The following BAIAP2L1 variants were observed in gnomAD, a reference collection of about 807,000 sequenced individuals.
The protein encoded by BAIAP2L1 is BAR/IMD domain containing adaptor protein 2 like 1.
In BAIAP2L1, 35 loss-of-function variants were observed where a neutral mutation model predicts 66.3. The ratio of observed to expected loss-of-function variants is 0.53; its 90% CI spans 0.40 to 0.70. The LOEUF is 0.70. Ranked by LOEUF, BAIAP2L1 falls within the 30% of genes least tolerant of loss-of-function variation. The probability of loss-of-function intolerance (pLI) is 0.00; values close to 1 mark genes in which losing one functional copy is unlikely to be tolerated. For missense variants in BAIAP2L1, 622 were observed against 656.9 expected (o/e 0.95, Z 0.58); for synonymous variants, 269 against 248.7 (o/e 1.08, Z -0.77).
intron 2 of BAIAP2L1, among the ~76,000 whole-genome samples, chr7:98,357,779 C>A (rs548784793): frequency 6.6e-6 from 1 of 152,208 alleles, no homozygotes; most frequent in Admixed American, 6.5e-5. Context: ...GAGACACAGT[C>A]CGTAATGTCA....
chr7:98,370,209 T>C (rs766707358), intron 1 of BAIAP2L1, among the ~76,000 whole-genome samples: 1 of 151,800 alleles, frequency 6.6e-6, no homozygotes, highest in Non-Finnish European at 1.5e-5. Context: ...ACCCCATCTC[T>C]ACTAAAAACA....
chr7:98,308,997 A>T (rs1800772382), intron 9 of BAIAP2L1: 1 of 150,852 alleles, frequency 6.6e-6, no homozygotes, highest in Non-Finnish European at 1.5e-5. Context: ...TTTCCATTCA[A>T]ATTTTCCCAG....
chr7:98,315,032 T>C (rs904912808), intron 7 of BAIAP2L1, among the ~76,000 whole-genome samples: 1 of 152,218 alleles, frequency 6.6e-6, no homozygotes, highest in Admixed American at 6.5e-5. Flanking sequence ...CCAAACACAG[T>C]TTCTCTGGAA....
chr7:98,353,961 CAATAAAATAA>C (rs72080714), intron 3 of BAIAP2L1, among the ~76,000 whole-genome samples: 51,510 of 138,958 alleles, frequency 0.37, 9,652 homozygotes, highest in South Asian at 0.5. Flanking sequence ...GACTCTGTCT[CAATAAAATAA>C]AATAAAATAA....
In BAIAP2L1 at chr7:98,318,401, G is replaced by A. The variant is rs994911470; in HGVS notation, c.349-1045C>T. 6.6e-5 allele frequency among the ~76,000 whole-genome samples: 10 copies of A among 151,946 alleles called. 1 individual carries two copies. Among genetic ancestry groups the A allele is most frequent in the Admixed American group, 3.3e-4 (5 of 15,258 alleles). On this transcript the variant is annotated intron_variant, in intron 5 of 13. Transcript: ENST00000005260. ...CCTCCCGGGTTCAAGTGATTCTTGT[G>A]CCTCAGCCTCTCCAGTAGCTGGGAT...
intron 3 of BAIAP2L1, among the ~76,000 whole-genome samples, chr7:98,345,903 A>T (rs1481306260): frequency 1.3e-5 from 2 of 151,716 alleles, no homozygotes; most frequent in African/African-American, 2.4e-5. Context: ...AATCATTTAT[A>T]GGATGGCTAT....
At chr7:98,364,790 A>C (rs1802352773) in intron 1 of BAIAP2L1, among the ~76,000 whole-genome samples, 1 of 151,242 alleles carries the variant, frequency 6.6e-6, no homozygotes, top group African/African-American at 2.4e-5. Context: ...TTTGCGACCA[A>C]CCTGGACAAC....
chr7:98,338,175 G>C (rs1235725472), intron 3 of BAIAP2L1, among the ~76,000 whole-genome samples: 3 of 152,186 alleles, frequency 2.0e-5, no homozygotes, highest in South Asian at 2.1e-4. Context: ...GCTCACGCTT[G>C]TAATCCCAGC....
chr7:98,337,940 T>C (rs560209653), intron 3 of BAIAP2L1, among the ~76,000 whole-genome samples: 29 of 151,736 alleles, frequency 1.9e-4, no homozygotes, highest in African/African-American at 6.5e-4. Context: ...CAAACAAATA[T>C]GTACAGCTAG....
At position 98,315,624 on chromosome 7, in the gene BAIAP2L1, A is replaced by T. The variant is rs2116888802; in HGVS notation, c.487-12T>A. 2.6e-6 allele frequency: 3 copies of T among 1,171,964 alleles called. No homozygotes were observed. The highest frequency in any genetic ancestry group is 3.1e-5 in the East Asian group (1 of 32,672). 72.6% of individuals were successfully genotyped at this position (1,171,964 alleles called of 1,614,324 possible). On this transcript the variant is annotated splice_polypyrimidine_tract_variant and intron_variant, in intron 6 of 13. Coordinates refer to ENST00000005260, the MANE Select transcript of BAIAP2L1 (RefSeq NM_018842.5). ...ACGGTCTCCACATACTAAAAAAAAA[A>T]AAATAATAATAATAATAATTATATA...
chr7:98,377,674 T>C (rs1418139992), intron 1 of BAIAP2L1, among the ~76,000 whole-genome samples: 1 of 147,928 alleles, frequency 6.8e-6, no homozygotes, highest in Admixed American at 6.8e-5. Flanking sequence ...CAAAATTAGC[T>C]GGGTGTGGTG....
At chr7:98,357,200 G>A (rs952320866) in intron 2 of BAIAP2L1, among the ~76,000 whole-genome samples, 10 of 149,112 alleles carry the variant, frequency 6.7e-5, no homozygotes, top group Admixed American at 1.4e-4. Context: ...TGCAGGTCCA[G>A]CTGAAGGTAT....
At chr7:98,358,507 G>A (rs535918171) in intron 2 of BAIAP2L1, among the ~76,000 whole-genome samples, 3 of 151,918 alleles carry the variant, frequency 2.0e-5, no homozygotes, top group African/African-American at 4.8e-5. Flanking sequence ...ACAGGTGCAC[G>A]CCACCACACC....
chr7:98,304,929 G>C (rs530104476), intron 11 of BAIAP2L1, among the ~76,000 whole-genome samples: 1 of 149,402 alleles, frequency 6.7e-6, no homozygotes, highest in Non-Finnish European at 1.5e-5. Context: ...GCAGTGGCGC[G>C]ATCTTGGCTC....
At chr7:98,308,573 A>G (rs1218029223) in intron 9 of BAIAP2L1, 1 of 330,782 alleles carries the variant, frequency 3.0e-6, no homozygotes, top group Non-Finnish European at 6.0e-6. Context: ...GGTTTGTCCC[A>G]TACTCTCTAC....
At chr7:98,396,117 G>A (rs1803202083) in intron 1 of BAIAP2L1, among the ~76,000 whole-genome samples, 1 of 152,014 alleles carries the variant, frequency 6.6e-6, no homozygotes, top group South Asian at 2.1e-4. Flanking sequence ...TGTTGCCCAG[G>A]CCAGAGTACA....
At chr7:98,306,609 G>C in intron 10 of BAIAP2L1, 93 bp from the exon 11 acceptor site, 1 of 1,574,432 alleles carries the variant, frequency 6.4e-7, no homozygotes, top group Non-Finnish European at 8.7e-7. Flanking sequence ...GGGCAGACAG[G>C]TCCACTGCTC....
At chr7:98,393,110 T>C (rs1320902610) in intron 1 of BAIAP2L1, among the ~76,000 whole-genome samples, 1 of 82,862 alleles carries the variant, frequency 1.2e-5, no homozygotes, top group Non-Finnish European at 2.7e-5. Context: ...TGTACATATA[T>C]GTACACATAT....
At chr7:98,381,255 T>C (rs1415282243) in intron 1 of BAIAP2L1, among the ~76,000 whole-genome samples, 1 of 152,008 alleles carries the variant, frequency 6.6e-6, no homozygotes, top group African/African-American at 2.4e-5. Flanking sequence ...AAAGGCGGGG[T>C]TTCCTAGGAA....
Sources: allele counts gnomAD v4.1 joint callset (sites outside exome capture counted in the v4.1 genomes callset), GRCh38; gene constraint gnomAD v4.1.1; transcripts MANE v1.5; gene names NCBI Gene and HGNC (gene_info 2026-07-23, HGNC 2026-07-21).